The following VEPH1 variants were observed in gnomAD, a reference collection of about 807,000 sequenced individuals.
VEPH1 encodes ventricular zone-expressed PH domain-containing protein homolog 1.
VEPH1 carries 80 observed loss-of-function variants against 85.2 expected under a neutral mutation model. The ratio of observed to expected loss-of-function variants is 0.94; its 90% confidence interval spans 0.78 to 1.13. VEPH1 has a LOEUF of 1.13. Ranked by LOEUF, VEPH1 falls within the 50% of genes most tolerant of loss-of-function variation. VEPH1 has a pLI of 0.00. For synonymous variants in VEPH1, 297 were observed against 348.0 expected (o/e 0.85, Z 1.63); for missense variants, 955 against 980.5 (o/e 0.97, Z 0.35).
intron 4 of VEPH1, chr3:157,443,350 A>C: frequency 5.4e-6 from 1 of 183,898 alleles, no homozygotes; most frequent in Non-Finnish European, 1.2e-5. Context: ...GAAGAATAAC[A>C]AAATAAGATT....
chr3:157,275,323 C>T (rs560352971), intron 12 of VEPH1, among the ~76,000 whole-genome samples: 47 of 152,264 alleles, frequency 3.1e-4, no homozygotes, highest in African/African-American at 7.7e-4. Flanking sequence ...CCCCTGTAAT[C>T]GCAGCACTTT....
At chr3:157,334,555 C>T (rs1722788979) in intron 9 of VEPH1, among the ~76,000 whole-genome samples, 1 of 152,126 alleles carries the variant, frequency 6.6e-6, no homozygotes, top group South Asian at 2.1e-4. Flanking sequence ...AAATGTCTAC[C>T]AGCATCACCA....
chr3:157,468,817 T>C (rs938266030), intron 3 of VEPH1, among the ~76,000 whole-genome samples: 8 of 152,192 alleles, frequency 5.3e-5, no homozygotes, highest in Non-Finnish European at 1.0e-4. Flanking sequence ...TTGCAATTTT[T>C]AAGTGTACAG....
chr3:157,399,116 A>G (rs1730637344), intron 6 of VEPH1, among the ~76,000 whole-genome samples: 1 of 152,216 alleles, frequency 6.6e-6, no homozygotes, highest in Non-Finnish European at 1.5e-5. Flanking sequence ...ATGCAGAAAG[A>G]TTTGAATTAT....
At chr3:157,480,142 A>AT (rs942794792) in intron 2 of VEPH1, among the ~76,000 whole-genome samples, 2 of 89,168 alleles carry the variant, frequency 2.2e-5, no homozygotes, top group African/African-American at 9.1e-5. Context: ...AGTGTTCTTC[A>AT]TTTTTTTGGA....
chr3:157,435,179 T>G (rs1243340063), intron 4 of VEPH1, among the ~76,000 whole-genome samples: 1 of 152,314 alleles, frequency 6.6e-6, no homozygotes, highest in Middle Eastern at 3.4e-3. Context: ...TTCCTTCTTT[T>G]AGAGCTTCAG....
At chr3:157,344,360 C>T (rs919001824) in intron 9 of VEPH1, among the ~76,000 whole-genome samples, 1 of 152,204 alleles carries the variant, frequency 6.6e-6, no homozygotes, top group African/African-American at 2.4e-5. Context: ...GTGCAAAAAT[C>T]ACAAGCATTC....
chr3:157,459,473 C>T, intron 4 of VEPH1: 2 of 421,532 alleles, frequency 4.7e-6, no homozygotes, highest in Non-Finnish European at 6.6e-6. Flanking sequence ...CTGAGATACT[C>T]ATGGGCCTCA....
intron 4 of VEPH1, among the ~76,000 whole-genome samples, chr3:157,440,876 T>C (rs1218361638): frequency 6.6e-6 from 1 of 152,174 alleles, no homozygotes; most frequent in Admixed American, 6.5e-5. Context: ...AGCAGAAACA[T>C]GTTCTCCAAC....
At chr3:157,295,164 C>G (rs1031388871) in intron 11 of VEPH1, among the ~76,000 whole-genome samples, 3 of 152,170 alleles carry the variant, frequency 2.0e-5, no homozygotes, top group African/African-American at 7.2e-5. Flanking sequence ...CCAGGGCTAA[C>G]AACTGAGGCA....
intron 2 of VEPH1, among the ~76,000 whole-genome samples, chr3:157,477,809 C>A (rs1318950120): frequency 1.3e-5 from 2 of 152,128 alleles, no homozygotes; most frequent in East Asian, 3.9e-4. Flanking sequence ...GCAACAGAAG[C>A]TAATGCTGGG....
chr3:157,470,393 T>C lies in VEPH1; in HGVS notation c.275A>G (p.His92Arg). The change falls in exon 3 of 14, where the codon CAT becomes CGT. Residue 92 changes from histidine to arginine, a missense_variant. His to Arg is a conservative substitution (Grantham distance 29). Coordinates refer to ENST00000362010, the MANE Select transcript of VEPH1 (RefSeq NM_001167912.2). ...LVGLWDSCLEHNLRPFGKDED... is the reference protein window; with the variant it reads ...LVGLWDSCLERNLRPFGKDED... The stretch of plus-strand genomic sequence containing the variant: ...GTCTTTCCCAAAGGGTCTCAGGTTA[T>C]GTTCCAAGCAGGAGTCCCAGAGCCC... The C allele has an allele frequency of 6.2e-7, 1 of 1,614,152 alleles. No homozygotes were observed. Among genetic ancestry groups the C allele is most frequent in the East Asian group, 2.2e-5 (1 of 44,866 alleles).
chr3:157,494,534 C>T (rs1443163499), intron 2 of VEPH1, among the ~76,000 whole-genome samples: 1 of 152,022 alleles, frequency 6.6e-6, no homozygotes, highest in African/African-American at 2.4e-5. Context: ...TGAAGAGAAG[C>T]GAAGGAATGC....
intron 11 of VEPH1, among the ~76,000 whole-genome samples, chr3:157,303,353 G>A (rs1719052177): frequency 6.6e-6 from 1 of 152,094 alleles, no homozygotes; most frequent in Non-Finnish European, 1.5e-5. Context: ...TTTCCATCAG[G>A]GTAGGGATCA....
chr3:157,372,623 G>C (rs1359780726), intron 7 of VEPH1, among the ~76,000 whole-genome samples: 1 of 152,026 alleles, frequency 6.6e-6, no homozygotes, highest in East Asian at 1.9e-4. Context: ...TAAAATATTA[G>C]GTATTAAAGA....
intron 9 of VEPH1, among the ~76,000 whole-genome samples, chr3:157,318,651 A>T (rs1018719599): frequency 1.2e-4 from 18 of 145,052 alleles, no homozygotes; most frequent in African/African-American, 4.9e-4. Context: ...AAAGAAAGAA[A>T]GAATGAAAGA....
intron 1 of VEPH1, 115 bp from the exon 2 acceptor site, chr3:157,495,621 T>C (rs769553518): frequency 2.0e-5 from 8 of 407,182 alleles, no homozygotes; most frequent in Non-Finnish European, 3.2e-5. Flanking sequence ...AACATGTGCC[T>C]AGACTAATAG....
In VEPH1 at chr3:157,318,650, A is replaced by AGAGAAAGAAAGAG. The variant is rs1721042454; in HGVS notation, c.1736-1450_1736-1449insCTCTTTCTTTCTC. 1.4e-4 allele frequency among the ~76,000 whole-genome samples: 13 copies of AGAGAAAGAAAGAG among 94,248 alleles called. No individual in the cohort carries two copies. In the Admixed American group the frequency reaches 2.0e-3, roughly 14 times the overall value. 61.8% of individuals were successfully genotyped at this position (94,248 alleles called of 152,430 possible). A position where few individuals can be genotyped will look rare whatever the true frequency, so the allele number is the denominator to read the frequency against. ...AAAAAAAAAAAGAAAGAAAGAAAGA[A>AGAGAAAGAAAGAG]AGAATGAAAGAAAAGGAAAGAAAGA... On this transcript the variant is annotated intron_variant, in intron 9 of 13. Coordinates refer to ENST00000362010, the MANE Select transcript of VEPH1 (RefSeq NM_001167912.2).
intron 12 of VEPH1, among the ~76,000 whole-genome samples, chr3:157,275,540 C>A (rs1420112184): frequency 6.6e-6 from 1 of 151,830 alleles, no homozygotes; most frequent in East Asian, 1.9e-4. Context: ...TGTGCCATTG[C>A]ATACCAGTCT....
Sources: gnomAD v4.1 joint callset for allele counts (sites outside exome capture counted in the v4.1 genomes callset) on GRCh38, gnomAD v4.1.1 for gene constraint, MANE v1.5 for transcripts, NCBI Gene and HGNC (gene_info 2026-07-23, HGNC 2026-07-21) for gene names.